SP110: variants seen among roughly 807,000 people sequenced by gnomAD.
SP110 encodes the protein interferon-induced protein 41, 30kD.
In SP110, 62 loss-of-function variants were observed where a neutral mutation model predicts 92.7. The ratio of observed to expected loss-of-function variants is 0.67; its 90% CI spans 0.55 to 0.83. The LOEUF is 0.83. Ranked by LOEUF, SP110 falls within the 40% of genes least tolerant of loss-of-function variation. The probability of loss-of-function intolerance (pLI) is 0.00; values close to 1 mark genes in which losing one functional copy is unlikely to be tolerated. For synonymous variants in SP110, 273 were observed against 305.3 expected, an observed-to-expected ratio of 0.89 and a Z score of 1.10; for missense variants, 793 against 863.9, an observed-to-expected ratio of 0.92 and a Z score of 1.03.
At chr2:230,176,686 CTT>C (rs1158130502) in intron 14 of SP110, 6 of 1,613,634 alleles carry the variant, frequency 3.7e-6, no homozygotes, top group Non-Finnish European at 4.2e-6. Flanking sequence ...TTAACTCTCT[CTT>C]GAGATTTATT....
In SP110 at chr2:230,165,339, A is replaced by C. The variant is rs762682609; in HGVS notation, c.*3785T>G. Among the ~76,000 whole-genome samples the C allele has an allele frequency of 5.3e-5, 8 of 152,268 alleles. No homozygotes were observed. Among genetic ancestry groups the C allele is most frequent in the Non-Finnish European group, 1.2e-4 (8 of 68,048 alleles). On this transcript the variant is annotated 3_prime_UTR_variant, in exon 19 of 19. Transcript: ENST00000258381. ...GACACACTTCAGTTGACTGAAAGGC[A>C]GAGCAAAAAGGAAGTATGGAGAAGT...
intron 10 of SP110, among the ~76,000 whole-genome samples, chr2:230,192,043 A>C (rs1236595273): frequency 1.3e-5 from 2 of 152,272 alleles, no homozygotes; most frequent in African/African-American, 4.8e-5. Context: ...CCACATGATT[A>C]TCTTGATAGA....
rs1324772927 is a variant in SP110 at position 230,165,668 on chromosome 2, C to T, written c.*3456G>A. Among the ~76,000 whole-genome samples the T allele has an allele frequency of 6.6e-6, 1 of 151,824 alleles. No homozygotes were observed. Among genetic ancestry groups the T allele is most frequent in the Non-Finnish European group, 1.5e-5 (1 of 67,996 alleles). ...AGCTGAGAGGTATCAAAGTGATAAA[C>T]GCATTGCCTTAAGTATGTGACACAT... On this transcript the variant is annotated 3_prime_UTR_variant, in exon 19 of 19. Coordinates refer to ENST00000258381, the MANE Select transcript of SP110 (RefSeq NM_080424.4).
rs201007992 is a variant in SP110, at chr2:230,168,913, A to G, written c.*211T>C. ...GGGTATCTGATGGTATTAAGGAAGT[A>G]TTAATTTTTTTTTTTTTTAGTGTAG... On this transcript the variant is annotated 3_prime_UTR_variant, in exon 19 of 19. Coordinates refer to ENST00000258381, the MANE Select transcript of SP110 (RefSeq NM_080424.4). 23 of 355,844 alleles carry G rather than the reference A, an allele frequency of 6.5e-5. No homozygotes were observed. The highest frequency in any genetic ancestry group is 2.5e-4 in the East Asian group (6 of 23,998). 22.0% of individuals were successfully genotyped at this position (355,844 alleles called of 1,614,324 possible). A position where few individuals can be genotyped will look rare whatever the true frequency, so the allele number is the denominator to read the frequency against.
Position 230,214,935 on chromosome 2 carries a change from G to A in SP110, c.316+15C>T. 1 of 1,612,090 alleles carries A rather than the reference G, an allele frequency of 6.2e-7. No individual in the cohort carries two copies. Among genetic ancestry groups the A allele is most frequent in the Non-Finnish European group, 8.5e-7 (1 of 1,178,184 alleles). ...AACTTTTTAAATGCAAAAAGCACTT[G>A]AGAAATCTCATTACCACGTTTGAAG... On this transcript the variant is annotated intron_variant, in intron 3 of 18. Transcript: ENST00000258381.
At chr2:230,222,268 T>C (rs2045887709), upstream of SP110, among the ~76,000 whole-genome samples, 1 of 151,350 alleles carries the variant, frequency 6.6e-6, no homozygotes, top group African/African-American at 2.4e-5. Flanking sequence ...GAGAACATGG[T>C]AATAATGGGA....
At chr2:230,199,243 C>G (rs1168589219) in intron 10 of SP110, among the ~76,000 whole-genome samples, 7 of 123,472 alleles carry the variant, frequency 5.7e-5, no homozygotes, top group Non-Finnish European at 1.1e-4. Context: ...GAGTCTCACT[C>G]TGTCACCTAG....
intron 10 of SP110, among the ~76,000 whole-genome samples, chr2:230,191,111 T>C (rs1384883658): frequency 6.6e-6 from 1 of 152,164 alleles, no homozygotes; most frequent in East Asian, 1.9e-4. Flanking sequence ...AGAGACAATA[T>C]ACCAGAATCT....
chr2:230,179,395 TGGAG>T (rs2042022208), intron 12 of SP110, among the ~76,000 whole-genome samples: 3 of 146,838 alleles, frequency 2.0e-5, no homozygotes, highest in Non-Finnish European at 4.5e-5. Context: ...CCCTCTTGCA[TGGAG>T]TGGCCAGCTC....
At chr2:230,210,052 A>T (rs1404872182) in intron 6 of SP110, 44 bp from the exon 7 acceptor site, 2 of 1,197,676 alleles carry the variant, frequency 1.7e-6, no homozygotes, top group Non-Finnish European at 1.2e-6. Flanking sequence ...AGATCCAGTG[A>T]AGAGAAAGTG....
rs1437958466 is a variant in SP110, at chr2:230,166,874, G to A, written c.*2250C>T. 6.6e-6 allele frequency among the ~76,000 whole-genome samples: 1 copy of A among 152,142 alleles called. No individual in the cohort carries two copies. Among genetic ancestry groups the A allele is most frequent in the East Asian group, 1.9e-4 (1 of 5,196 alleles). ...TGGGATTAGGGGGAACTAGCAACATGTGCTTGACTGGATTTCAGAATTGCT... is the reference window on the plus strand; with the variant it reads ...TGGGATTAGGGGGAACTAGCAACATATGCTTGACTGGATTTCAGAATTGCT... On this transcript the variant is annotated 3_prime_UTR_variant, in exon 19 of 19. Transcript: ENST00000258381.
intron 12 of SP110, among the ~76,000 whole-genome samples, chr2:230,178,710 A>C (rs779452226): frequency 1.4e-4 from 21 of 152,192 alleles, no homozygotes; most frequent in Non-Finnish European, 2.5e-4. Context: ...GGATGGTGTC[A>C]GTCTTAATTA....
At chr2:230,207,489 G>A (rs1438574478) in intron 8 of SP110, among the ~76,000 whole-genome samples, 1 of 152,106 alleles carries the variant, frequency 6.6e-6, no homozygotes, top group Non-Finnish European at 1.5e-5. Flanking sequence ...TCTATACACA[G>A]CTGCATAGAT....
Position 230,171,947 on chromosome 2 carries a change from T to C in SP110, c.1815+119A>G, listed in dbSNP as rs2078453687. 3.5e-6 allele frequency: 3 copies of C among 846,372 alleles called. No homozygotes were observed. The South Asian group carries it at 4.0e-5, about 11-fold the overall frequency. 52.4% of individuals were successfully genotyped at this position (846,372 alleles called of 1,614,324 possible). ...GACTCTGAGTTTGGGCATTAAATCG[T>C]CATCCTTTAAAGGGAGACATTGAAG... On this transcript the variant is annotated intron_variant, in intron 16 of 18. Transcript: ENST00000258381.
chr2:230,171,846 C>T (rs574496807), intron 16 of SP110, 79 bp from the exon 17 acceptor site: 28 of 1,127,306 alleles, frequency 2.5e-5, no homozygotes, highest in South Asian at 2.5e-4. Context: ...GACATGCACA[C>T]GGATGGGGCA....
intron 11 of SP110, among the ~76,000 whole-genome samples, chr2:230,185,626 A>G (rs1348706246): frequency 6.6e-6 from 1 of 152,242 alleles, no homozygotes; most frequent in African/African-American, 2.4e-5. Flanking sequence ...ACATTAAAAA[A>G]CAATCCTGCA....
rs2078295214 is a variant in SP110 at position 230,165,252 on chromosome 2, ATTC to A, written c.*3869_*3871del. Among the ~76,000 whole-genome samples the A allele has an allele frequency of 6.6e-6, 1 of 152,240 alleles. No homozygotes were observed. The highest frequency in any genetic ancestry group is 1.5e-5 in the Non-Finnish European group (1 of 68,052). On this transcript the variant is annotated 3_prime_UTR_variant, in exon 19 of 19. Coordinates refer to ENST00000258381, the MANE Select transcript of SP110 (RefSeq NM_080424.4). ...TTAATTTATGAAAACAATAGAACAC[ATTC>A]TAAGATATGGTGAATCAGAAAACAT...
upstream of SP110, chr2:230,220,031 T>G (rs1401996347): frequency 2.0e-6 from 2 of 985,416 alleles, no homozygotes; most frequent in Non-Finnish European, 2.4e-6. Context: ...AAAAGAAAAG[T>G]GAAAGTTTTC....
chr2:230,222,316 A>G (rs919816721), upstream of SP110, among the ~76,000 whole-genome samples: 1 of 152,006 alleles, frequency 6.6e-6, no homozygotes, highest in Non-Finnish European at 1.5e-5. Flanking sequence ...GTGATTATGT[A>G]CTGAGATAAA....
Sources: allele counts gnomAD v4.1 joint callset (sites outside exome capture counted in the v4.1 genomes callset), GRCh38; gene constraint gnomAD v4.1.1; transcripts MANE v1.5; gene names NCBI Gene and HGNC (gene_info 2026-07-23, HGNC 2026-07-21).